The following GRIK5 variants were observed in gnomAD, a reference collection of about 807,000 sequenced individuals.
The protein encoded by GRIK5 is glutamate ionotropic receptor kainate type subunit 5, also known as glutamate receptor ionotropic, kainate 5.
Under a neutral mutation model 97.4 loss-of-function variants are expected in GRIK5, and 43 were observed. That is an observed-to-expected ratio of 0.44 (90% CI 0.35 to 0.57). GRIK5 has a LOEUF of 0.57. GRIK5 is among the 20% of genes least tolerant of loss of function. GRIK5 has a pLI of 0.01. For synonymous variants in GRIK5, 580 were observed against 583.5 expected, an observed-to-expected ratio of 0.99 and a Z score of 0.09; for missense variants, 1,015 against 1,382.0, an observed-to-expected ratio of 0.73 and a Z score of 4.21.
rs2076325407 is a variant in GRIK5 at position 42,065,923 on chromosome 19, G to T, written c.-50-103C>A. 4.7e-6 allele frequency: 3 copies of T among 642,884 alleles called. No individual in the cohort carries two copies. Among genetic ancestry groups the T allele is most frequent in the Non-Finnish European group, 8.4e-6 (3 of 359,144 alleles). 39.8% of individuals were successfully genotyped at this position (642,884 alleles called of 1,614,324 possible). On this transcript the variant is annotated intron_variant, in intron 1 of 19. Coordinates refer to ENST00000593562, the MANE Select transcript of GRIK5 (RefSeq NM_002088.5). The surrounding 1 kb of genome is among the most constrained non-coding windows in gnomAD (Gnocchi z 5.8). ...TGGTCACAGAAGCCTTGGGGACATT[G>T]TTGGCAAGCAGTTCACAGCTCTGCA...
intron 6 of GRIK5, among the ~76,000 whole-genome samples, chr19:42,058,994 TC>T (rs2076223941): frequency 6.6e-6 from 1 of 152,050 alleles, no homozygotes; most frequent in Non-Finnish European, 1.5e-5. Flanking sequence ...GCCCCTTCTC[TC>T]CCCATCACTC....
chr19:42,006,627 A>G lies in GRIK5; in HGVS notation c.2037+18T>C, dbSNP rs1202636510. 6.2e-7 allele frequency: 1 copy of G among 1,610,576 alleles called. No individual in the cohort carries two copies. Among genetic ancestry groups the G allele is most frequent in the African/African-American group, 1.3e-5 (1 of 74,770 alleles). ...CAGGGATCCCAACACCACGCCTGAG[A>G]GGTTCTGGTGGCCCCACCTGGAAGA... On this transcript the variant is annotated intron_variant, in intron 16 of 19. Transcript: ENST00000593562. The surrounding 1 kb of genome is among the most constrained non-coding windows in gnomAD (Gnocchi z 5.3).
At chr19:42,036,859 T>C (rs2075912354) in intron 12 of GRIK5, among the ~76,000 whole-genome samples, 1 of 152,170 alleles carries the variant, frequency 6.6e-6, no homozygotes, top group East Asian at 1.9e-4. Context: ...GGTATTGTCT[T>C]GGTCATGCCA....
chr19:42,012,416 A>C (rs953395113), intron 15 of GRIK5, among the ~76,000 whole-genome samples: 1 of 151,938 alleles, frequency 6.6e-6, no homozygotes, highest in Non-Finnish European at 1.5e-5. Context: ...ACGCCTGGCT[A>C]ATTTTTTGTA....
rs1204599448 is a variant in GRIK5, at chr19:42,002,501, G to A, written c.2514+831C>T. 2 of 715,138 alleles carry A rather than the reference G, an allele frequency of 2.8e-6. No individual in the cohort carries two copies. Among genetic ancestry groups the A allele is most frequent in the African/African-American group, 1.7e-5 (1 of 57,204 alleles). 44.3% of individuals were successfully genotyped at this position (715,138 alleles called of 1,614,324 possible). On this transcript the variant is annotated intron_variant, in intron 19 of 19. Coordinates refer to ENST00000593562, the MANE Select transcript of GRIK5 (RefSeq NM_002088.5). This position sits in a 1 kb window ranked among gnomAD's most constrained non-coding sequence, Gnocchi z 5.2. ...GACGGCTCCTTCAGAGGAGTCCTTGGGCCAAGTGCAGAACACTGGCAGGCA... is the reference window on the plus strand; with the variant it reads ...GACGGCTCCTTCAGAGGAGTCCTTGAGCCAAGTGCAGAACACTGGCAGGCA...
chr19:42,005,613 T>A, intron 17 of GRIK5, 110 bp downstream of exon 17: 1 of 717,982 alleles, frequency 1.4e-6, no homozygotes, highest in Admixed American at 2.1e-5. Context: ...GGAGGCCACA[T>A]GCAACACACC....
intron 12 of GRIK5, among the ~76,000 whole-genome samples, chr19:42,024,505 G>T (rs966198829): frequency 6.6e-6 from 1 of 152,094 alleles, no homozygotes; most frequent in Non-Finnish European, 1.5e-5. Context: ...GAGCCACCGC[G>T]CCTGGCCTCA....
At chr19:42,036,878 G>T (rs1460975061) in intron 12 of GRIK5, among the ~76,000 whole-genome samples, 3 of 152,170 alleles carry the variant, frequency 2.0e-5, no homozygotes, top group Admixed American at 2.0e-4. Context: ...CAGCATCTAT[G>T]ACCTGTGCTG....
At position 42,006,580 on chromosome 19, in the gene GRIK5, C is replaced by G; in HGVS notation, c.2037+65G>C. ...TGACCCAGGAGACCCTGCCCAGACC[C>G]ATCCTGAGCTGCTTTGCATGGCAGG... On this transcript the variant is annotated intron_variant, in intron 16 of 19. Transcript: ENST00000593562. The surrounding 1 kb of genome is among the most constrained non-coding windows in gnomAD (Gnocchi z 5.3). 1 of 1,436,256 alleles carries G rather than the reference C, an allele frequency of 7.0e-7. No individual in the cohort carries two copies. The highest frequency in any genetic ancestry group is 9.8e-7 in the Non-Finnish European group (1 of 1,024,002). The allele number at this position is 1,436,256 out of a possible 1,614,324, so 89.0% of individuals were successfully genotyped here.
intron 12 of GRIK5, among the ~76,000 whole-genome samples, chr19:42,027,059 A>G (rs2075780821): frequency 6.6e-6 from 1 of 152,106 alleles, no homozygotes. Context: ...TGTGTCCCAC[A>G]TTGCAGCCAC....
At chr19:42,018,149 TAA>T (rs11452086) in intron 15 of GRIK5, among the ~76,000 whole-genome samples, 1 of 62,808 alleles carries the variant, frequency 1.6e-5, no homozygotes, top group Non-Finnish European at 2.7e-5. Flanking sequence ...CCATCTCTAC[TAA>T]AAAAAAAAAA....
intron 15 of GRIK5, among the ~76,000 whole-genome samples, chr19:42,012,199 T>C (rs529562630): frequency 1.1e-4 from 16 of 152,174 alleles, no homozygotes; most frequent in Admixed American, 2.0e-4. Flanking sequence ...CATATACATA[T>C]ATGTATATGT....
At chr19:42,061,105 T>C (rs1391664302) in intron 5 of GRIK5, among the ~76,000 whole-genome samples, 1 of 152,188 alleles carries the variant, frequency 6.6e-6, no homozygotes, top group African/African-American at 2.4e-5. Context: ...TGGAGTGCAG[T>C]GGCGTGATCT....
intron 5 of GRIK5, among the ~76,000 whole-genome samples, chr19:42,060,910 T>C (rs997035002): frequency 3.3e-5 from 5 of 152,192 alleles, no homozygotes; most frequent in Non-Finnish European, 5.9e-5. Flanking sequence ...CTTCTAACCA[T>C]GTAATGCACT....
chr19:42,055,366 C>T (rs541377739), intron 8 of GRIK5, among the ~76,000 whole-genome samples: 2 of 152,132 alleles, frequency 1.3e-5, no homozygotes, highest in Non-Finnish European at 2.9e-5. Context: ...GTGCTCTGCG[C>T]GTAGAAGTGT....
rs1718016266 is a variant in GRIK5, at chr19:42,022,428, G to A, written c.1474-74C>T. 2 of 1,515,318 alleles carry A rather than the reference G, an allele frequency of 1.3e-6. No individual in the cohort carries two copies. Among genetic ancestry groups the A allele is most frequent in the South Asian group, 2.3e-5 (2 of 86,048 alleles). 93.9% of individuals were successfully genotyped at this position (1,515,318 alleles called of 1,614,324 possible). Reference sequence around the variant, plus strand: ...CAGAAGTGGACAGTTAGAGAGAAATGCACGGAGAGTGAGCAACTGAGGGAG... The same window carrying A: ...CAGAAGTGGACAGTTAGAGAGAAATACACGGAGAGTGAGCAACTGAGGGAG... On this transcript the variant is annotated intron_variant, in intron 12 of 19. Transcript: ENST00000593562. This position sits in a 1 kb window ranked among gnomAD's most constrained non-coding sequence, Gnocchi z 4.2.
intron 11 of GRIK5, among the ~76,000 whole-genome samples, chr19:42,047,762 G>C (rs773985749): frequency 6.6e-6 from 1 of 151,980 alleles, no homozygotes; most frequent in African/African-American, 2.4e-5. Context: ...TTGAGGTCAG[G>C]AGTTCAAGAC....
chr19:42,033,828 C>T (rs1371817039), intron 12 of GRIK5, among the ~76,000 whole-genome samples: 1 of 152,036 alleles, frequency 6.6e-6, no homozygotes, highest in African/African-American at 2.4e-5. Context: ...GGCAAAACGC[C>T]GTCTCTATTA....
intron 15 of GRIK5, among the ~76,000 whole-genome samples, chr19:42,015,747 G>A (rs569925898): frequency 6.2e-4 from 94 of 152,226 alleles, no homozygotes; most frequent in Admixed American, 1.3e-3. Flanking sequence ...GGACCCCAGA[G>A]CAACCACTTG....
Sources: gnomAD v4.1 joint callset for allele counts (sites outside exome capture counted in the v4.1 genomes callset) on GRCh38, gnomAD v4.1.1 for gene constraint, Gnocchi (gnomAD v3.1) non-coding constraint, MANE v1.5 for transcripts, NCBI Gene and HGNC (gene_info 2026-07-23, HGNC 2026-07-21) for gene names.